NTNG2: variants seen among roughly 807,000 people sequenced by gnomAD.
The protein encoded by NTNG2 is netrin-G2.
NTNG2 carries 15 observed loss-of-function variants against 47.6 expected under a neutral mutation model. The ratio of observed to expected loss-of-function variants is 0.32; its 90% CI spans 0.21 to 0.49. The LOEUF is 0.49. Ranked by LOEUF, NTNG2 falls within the 20% of genes least tolerant of loss-of-function variation. NTNG2 has a pLI of 0.99. For missense variants in NTNG2, 578 were observed against 764.6 expected, an observed-to-expected ratio of 0.76 and a Z score of 2.88; for synonymous variants, 307 against 324.6, an observed-to-expected ratio of 0.95 and a Z score of 0.58.
In NTNG2 at chr9:132,221,654, C is replaced by T. The variant is rs1021554758; in HGVS notation, c.858-5195C>T. Among the ~76,000 whole-genome samples, 1 of 152,104 alleles carries T rather than the reference C, an allele frequency of 6.6e-6. No homozygotes were observed. Among genetic ancestry groups the T allele is most frequent in the Non-Finnish European group, 1.5e-5 (1 of 68,014 alleles). On this transcript the variant is annotated intron_variant, in intron 3 of 7. Coordinates refer to ENST00000393229, the MANE Select transcript of NTNG2 (RefSeq NM_032536.4). The surrounding 1 kb of genome is among the most constrained non-coding windows in gnomAD (Gnocchi z 4.2). Reference sequence around the variant, plus strand: ...AGGCCGGGACATCTTCTCCTGTTCCCGAGGAAGACAGGACTGATAGGAGGG... The same window carrying T: ...AGGCCGGGACATCTTCTCCTGTTCCTGAGGAAGACAGGACTGATAGGAGGG...
chr9:132,173,484 C>A (rs954782519), intron 2 of NTNG2, among the ~76,000 whole-genome samples: 1 of 152,196 alleles, frequency 6.6e-6, no homozygotes, highest in Admixed American at 6.5e-5. Flanking sequence ...GACTTAGAGA[C>A]CCCCAGACCT....
chr9:132,164,730 G>C (rs934747775), intron 1 of NTNG2, among the ~76,000 whole-genome samples: 2 of 152,270 alleles, frequency 1.3e-5, no homozygotes, highest in South Asian at 4.1e-4. Flanking sequence ...CCAGAGGTGA[G>C]ACGGGGAAAA....
At chr9:132,173,993 G>T in intron 2 of NTNG2, among the ~76,000 whole-genome samples, 1 of 146,960 alleles carries the variant, frequency 6.8e-6, no homozygotes. Flanking sequence ...CAGGCAGGTC[G>T]AACCATGCTA....
intron 4 of NTNG2, among the ~76,000 whole-genome samples, chr9:132,229,180 G>A: frequency 6.6e-6 from 1 of 152,088 alleles, no homozygotes; most frequent in East Asian, 1.9e-4. Flanking sequence ...GGTGAGGCTG[G>A]AGGCGCTGCT....
chr9:132,174,313 C>CTTGGGCTTCT (rs1836231058), intron 2 of NTNG2, among the ~76,000 whole-genome samples: 3 of 105,598 alleles, frequency 2.8e-5, no homozygotes, highest in African/African-American at 1.4e-4. Context: ...GCGGATGAGA[C>CTTGGGCTTCT]GGACGGACGG....
chr9:132,231,420 G>A lies in NTNG2; in HGVS notation c.1054+825G>A, dbSNP rs183263991. 785 of 444,164 alleles carry A rather than the reference G, an allele frequency of 1.8e-3. 7 individuals carry two copies. The highest frequency in any genetic ancestry group is 0.014 in the African/African-American group (684 of 49,782). The allele number at this position is 444,164 out of a possible 1,614,324, so 27.5% of individuals were successfully genotyped here. A position where few individuals can be genotyped will look rare whatever the true frequency, so the allele number is the denominator to read the frequency against. On this transcript the variant is annotated intron_variant, in intron 5 of 7. Transcript: ENST00000393229. This position sits in a 1 kb window ranked among gnomAD's most constrained non-coding sequence, Gnocchi z 4.1. ...CTCAGAGATGCTTCTGGGGTGCACCGTCACCCTCCACCAGGGCTCTGTGGG... is the reference window on the plus strand; with the variant it reads ...CTCAGAGATGCTTCTGGGGTGCACCATCACCCTCCACCAGGGCTCTGTGGG...
At chr9:132,228,922 T>G (rs978678159) in intron 4 of NTNG2, among the ~76,000 whole-genome samples, 13 of 152,122 alleles carry the variant, frequency 8.5e-5, no homozygotes, top group Non-Finnish European at 1.6e-4. Flanking sequence ...TCTGGCCACC[T>G]GAGACTCTTA....
chr9:132,181,331 T>C (rs1284491418), intron 2 of NTNG2, among the ~76,000 whole-genome samples: 1 of 150,958 alleles, frequency 6.6e-6, no homozygotes, highest in African/African-American at 2.4e-5. Context: ...TCTTTTTTTT[T>C]TTTTTTTGAG....
At chr9:132,168,778 TAG>T (rs574316115) in intron 2 of NTNG2, among the ~76,000 whole-genome samples, 2 of 152,186 alleles carry the variant, frequency 1.3e-5, no homozygotes, top group African/African-American at 4.8e-5. Context: ...TCTCTCGTAT[TAG>T]AGTCTCGACT....
In NTNG2 at chr9:132,197,695, C is replaced by T. The variant is rs1043038140; in HGVS notation, c.214-271C>T. 5.3e-5 allele frequency among the ~76,000 whole-genome samples: 8 copies of T among 152,158 alleles called. No homozygotes were observed. Among genetic ancestry groups the T allele is most frequent in the African/African-American group, 1.9e-4 (8 of 41,436 alleles). ...CGGGGAGCCATGGAGGGCTTCAAAGCAGGGGACTAACACCCAGCCTTCTTG... is the reference window on the plus strand; with the variant it reads ...CGGGGAGCCATGGAGGGCTTCAAAGTAGGGGACTAACACCCAGCCTTCTTG... On this transcript the variant is annotated intron_variant, in intron 2 of 7. Transcript: ENST00000393229. The surrounding 1 kb of genome is among the most constrained non-coding windows in gnomAD (Gnocchi z 4.3).
At chr9:132,225,022 C>A (rs879789500) in intron 3 of NTNG2, among the ~76,000 whole-genome samples, 6 of 150,434 alleles carry the variant, frequency 4.0e-5, no homozygotes, top group Non-Finnish European at 7.4e-5. Flanking sequence ...TGGGTTCAAG[C>A]GATTCTCCTG....
At position 132,230,561 on chromosome 9, in the gene NTNG2, C is replaced by G. The variant is rs755504919; in HGVS notation, c.1031-11C>G. ...TGGGGCAGCCAGCTCACGCCCGTCTCTCTCCCACAGGTGCCACTGCAGGTT... is the reference window on the plus strand; with the variant it reads ...TGGGGCAGCCAGCTCACGCCCGTCTGTCTCCCACAGGTGCCACTGCAGGTT... On this transcript the variant is annotated splice_polypyrimidine_tract_variant and intron_variant, in intron 4 of 7. Coordinates refer to ENST00000393229, the MANE Select transcript of NTNG2 (RefSeq NM_032536.4). 2.5e-6 allele frequency: 4 copies of G among 1,602,130 alleles called. No individual in the cohort carries two copies. Among genetic ancestry groups the G allele is most frequent in the Non-Finnish European group, 3.4e-6 (4 of 1,174,294 alleles).
At chr9:132,211,175 C>T (rs946685985) in intron 3 of NTNG2, among the ~76,000 whole-genome samples, 2 of 152,184 alleles carry the variant, frequency 1.3e-5, no homozygotes, top group Admixed American at 6.5e-5. Context: ...GAGGCACCCA[C>T]TTCATGCTTG....
intron 3 of NTNG2, among the ~76,000 whole-genome samples, chr9:132,204,753 A>G (rs1839040342): frequency 6.6e-6 from 1 of 152,170 alleles, no homozygotes; most frequent in African/African-American, 2.4e-5. Context: ...CATGACACAG[A>G]TGAGGAAACT....
chr9:132,200,207 C>G (rs578117955), intron 3 of NTNG2, among the ~76,000 whole-genome samples: 4 of 152,072 alleles, frequency 2.6e-5, no homozygotes, highest in Non-Finnish European at 4.4e-5. Flanking sequence ...AGGGCTGGGG[C>G]GGGCTGAGGG....
chr9:132,178,192 C>T (rs950099464), intron 2 of NTNG2, among the ~76,000 whole-genome samples: 1 of 151,846 alleles, frequency 6.6e-6, no homozygotes, highest in African/African-American at 2.4e-5. Flanking sequence ...CCCTCCCCTT[C>T]CCCTCCCCAC....
chr9:132,209,740 A>G (rs957946364), intron 3 of NTNG2, among the ~76,000 whole-genome samples: 1 of 152,072 alleles, frequency 6.6e-6, no homozygotes, highest in African/African-American at 2.4e-5. Context: ...AGGGGTAAAA[A>G]AGAGGGGGTG....
At chr9:132,171,391 C>A (rs186915858) in intron 2 of NTNG2, among the ~76,000 whole-genome samples, 2 of 152,306 alleles carry the variant, frequency 1.3e-5, no homozygotes, top group Non-Finnish European at 2.9e-5. Flanking sequence ...ACTGTAAGTT[C>A]TTTTCTAGTG....
chr9:132,168,520 G>A (rs1026757995), intron 2 of NTNG2, among the ~76,000 whole-genome samples: 2 of 152,228 alleles, frequency 1.3e-5, no homozygotes, highest in African/African-American at 2.4e-5. Flanking sequence ...GTCACTGTGG[G>A]TGGTGGCTGG....
Sources: gnomAD v4.1 joint callset for allele counts (sites outside exome capture counted in the v4.1 genomes callset) on GRCh38, gnomAD v4.1.1 for gene constraint, Gnocchi (gnomAD v3.1) non-coding constraint, MANE v1.5 for transcripts, NCBI Gene and HGNC (gene_info 2026-07-23, HGNC 2026-07-21) for gene names.